DOCK3: variants seen among roughly 807,000 people sequenced by gnomAD.
DOCK3 encodes the protein dedicator of cytokinesis 3.
A neutral mutation model predicts 265.6 loss-of-function variants in DOCK3; 60 were observed. That is an observed-to-expected ratio of 0.23 (90% CI 0.18 to 0.28). DOCK3 has a LOEUF of 0.28. Among genes scored for constraint, DOCK3 ranks in the 10% least tolerant of loss-of-function variants. The pLI is 1.00. For missense variants in DOCK3, 1,981 were observed against 2,594.3 expected, an observed-to-expected ratio of 0.76 and a Z score of 5.14; for synonymous variants, 881 against 938.0, an observed-to-expected ratio of 0.94 and a Z score of 1.11.
intron 9 of DOCK3, among the ~76,000 whole-genome samples, chr3:51,139,689 C>T (rs770890218): frequency 1.4e-4 from 22 of 152,280 alleles, no homozygotes; most frequent in Admixed American, 9.8e-4. Flanking sequence ...TTAGTTTGTG[C>T]TACATGCTGT....
At chr3:51,103,096 C>T (rs2109749354) in intron 9 of DOCK3, among the ~76,000 whole-genome samples, 1 of 152,262 alleles carries the variant, frequency 6.6e-6, no homozygotes, top group Non-Finnish European at 1.5e-5. Context: ...AAATGTCTAC[C>T]TGCTTGTTGC....
intron 12 of DOCK3, among the ~76,000 whole-genome samples, chr3:51,168,604 A>C (rs1468960560): frequency 1.3e-5 from 2 of 152,252 alleles, no homozygotes; most frequent in East Asian, 3.8e-4. Flanking sequence ...AGATGGATTA[A>C]AGACTTAAGC....
intron 2 of DOCK3, among the ~76,000 whole-genome samples, chr3:50,799,434 T>G (rs2042958988): frequency 6.6e-6 from 1 of 152,166 alleles, no homozygotes; most frequent in East Asian, 1.9e-4. Flanking sequence ...TTTCACCTCC[T>G]TGGTTAGATT....
chr3:51,377,400 T>C (rs2088225573), intron 51 of DOCK3, among the ~76,000 whole-genome samples: 1 of 152,202 alleles, frequency 6.6e-6, no homozygotes, highest in Admixed American at 6.5e-5. Context: ...TCTGTCAGGG[T>C]TCTGAGTCCC....
intron 5 of DOCK3, among the ~76,000 whole-genome samples, chr3:50,974,768 A>G (rs1408295439): frequency 7.2e-6 from 1 of 139,776 alleles, no homozygotes; most frequent in Admixed American, 7.2e-5. Context: ...CTTCCTACCC[A>G]TGAGCATGGA....
intron 3 of DOCK3, among the ~76,000 whole-genome samples, chr3:50,859,210 G>GTT (rs138539454): frequency 5.4e-3 from 375 of 69,202 alleles, no homozygotes; most frequent in Non-Finnish European, 7.4e-3. Flanking sequence ...AACTGGTATG[G>GTT]TTTTTTTTTT....
At chr3:50,682,237 C>T (rs1441535275) in intron 1 of DOCK3, among the ~76,000 whole-genome samples, 1 of 152,192 alleles carries the variant, frequency 6.6e-6, no homozygotes. Context: ...TCAGCCTCAT[C>T]CACTGACTTG....
chr3:51,307,775 T>C (rs1412375833), intron 27 of DOCK3, among the ~76,000 whole-genome samples: 1 of 152,042 alleles, frequency 6.6e-6, no homozygotes, highest in Non-Finnish European at 1.5e-5. Context: ...CCTATGGATA[T>C]TTCATTCCTC....
At chr3:51,189,373 C>T (rs2087803349) in intron 12 of DOCK3, among the ~76,000 whole-genome samples, 2 of 152,088 alleles carry the variant, frequency 1.3e-5, no homozygotes, top group Non-Finnish European at 2.9e-5. Flanking sequence ...GAGTAGTGTA[C>T]ATTGTATCCA....
chr3:51,056,010 A>G (rs2081189006), intron 5 of DOCK3, among the ~76,000 whole-genome samples: 1 of 152,206 alleles, frequency 6.6e-6, no homozygotes, highest in Non-Finnish European at 1.5e-5. Context: ...AAGGAAATAC[A>G]TATTGTATGG....
At chr3:51,151,776 A>T (rs1317286107) in intron 10 of DOCK3, among the ~76,000 whole-genome samples, 1 of 152,136 alleles carries the variant, frequency 6.6e-6, no homozygotes, top group Admixed American at 6.5e-5. Context: ...GCTGCATATG[A>T]AATTCTGGGT....
chr3:51,127,612 A>G (rs1259747985), intron 9 of DOCK3, among the ~76,000 whole-genome samples: 8 of 152,244 alleles, frequency 5.3e-5, no homozygotes, highest in Admixed American at 4.6e-4. Flanking sequence ...GTACAAGTGT[A>G]TACATGCACA....
Position 51,333,148 on chromosome 3 carries a change from C to T in DOCK3, c.3516-10C>T, listed in dbSNP as rs141217020. ...AATTGTGTTTGCTTTCTCCACCCCT[C>T]CACCAATAGCCTGCTGGAGAAGGTT... On this transcript the variant is annotated splice_polypyrimidine_tract_variant and intron_variant, in intron 34 of 52. Transcript: ENST00000266037. 14 of 1,614,022 alleles carry T rather than the reference C, an allele frequency of 8.7e-6. No individual in the cohort carries two copies. The highest frequency in any genetic ancestry group is 3.3e-4 in the Middle Eastern group (2 of 6,052).
chr3:51,004,805 TA>T (rs2078620696), intron 5 of DOCK3, among the ~76,000 whole-genome samples: 1 of 149,718 alleles, frequency 6.7e-6, no homozygotes, highest in African/African-American at 2.5e-5. Context: ...CACAATGACT[TA>T]CTATATAGTT....
intron 3 of DOCK3, among the ~76,000 whole-genome samples, chr3:50,853,258 C>T (rs990698856): frequency 1.3e-5 from 2 of 151,958 alleles, no homozygotes; most frequent in South Asian, 4.1e-4. Flanking sequence ...TTAGCTCTCA[C>T]ATAAGAGTAA....
intron 1 of DOCK3, among the ~76,000 whole-genome samples, chr3:50,705,284 C>T (rs1417264528): frequency 6.6e-6 from 1 of 151,960 alleles, no homozygotes; most frequent in African/African-American, 2.4e-5. Flanking sequence ...AACTGTAATC[C>T]CCACGTGTTG....
intron 1 of DOCK3, among the ~76,000 whole-genome samples, chr3:50,682,202 C>G (rs1317162076): frequency 6.6e-6 from 1 of 152,220 alleles, no homozygotes; most frequent in Non-Finnish European, 1.5e-5. Context: ...CCAGCACTTT[C>G]ATGTTATGGT....
intron 48 of DOCK3, 57 bp downstream of exon 48, chr3:51,362,054 G>T (rs2086777889): frequency 1.9e-6 from 3 of 1,542,844 alleles, no homozygotes; most frequent in Non-Finnish European, 2.6e-6. Flanking sequence ...AACTCACCTT[G>T]CTGTTGCAAT....
intron 1 of DOCK3, among the ~76,000 whole-genome samples, chr3:50,776,632 C>T (rs1375895870): frequency 6.6e-6 from 1 of 151,982 alleles, no homozygotes; most frequent in Admixed American, 6.6e-5. Context: ...GGGTCTTACT[C>T]AGGGATTCTT....
Sources: allele counts gnomAD v4.1 joint callset (sites outside exome capture counted in the v4.1 genomes callset), GRCh38; gene constraint gnomAD v4.1.1; transcripts MANE v1.5; gene names NCBI Gene and HGNC (gene_info 2026-07-23, HGNC 2026-07-21).